Variants in PARD3B observed in about 807,000 individuals in gnomAD.
PARD3B encodes the protein partitioning defective 3 homolog B.
In PARD3B, 103 loss-of-function variants were observed where a neutral mutation model predicts 130.2. The ratio of observed to expected loss-of-function variants is 0.79; its 90% CI spans 0.67 to 0.93. PARD3B has a LOEUF of 0.93. Among genes scored for constraint, PARD3B ranks in the 40% least tolerant of loss-of-function variants. The pLI is 0.00. For synonymous variants in PARD3B, 583 were observed against 553.2 expected, an observed-to-expected ratio of 1.05 and a Z score of -0.76; for missense variants, 1,609 against 1,499.2, an observed-to-expected ratio of 1.07 and a Z score of -1.21.
chr2:205,311,566 G>A (rs983788477), intron 18 of PARD3B, among the ~76,000 whole-genome samples: 11 of 152,154 alleles, frequency 7.2e-5, no homozygotes, highest in Admixed American at 2.6e-4. Flanking sequence ...AGCAAGATAC[G>A]TTTGGAACCC....
rs545771868 is a variant in PARD3B at position 205,466,083 on chromosome 2, A to G, written c.3044+25411A>G. Among the ~76,000 whole-genome samples, 5 of 152,276 alleles carry G rather than the reference A, an allele frequency of 3.3e-5. No individual in the cohort carries two copies. In the South Asian group the frequency reaches 1.0e-3, roughly 32 times the overall value. On this transcript the variant is annotated intron_variant, in intron 20 of 22. Transcript: ENST00000406610. Reference sequence around the variant, plus strand: ...TTGTTAAAATGCAGATTTTGATGCCAGGGGTCTGGGATGGGGCCTGAGTTG... The same window carrying G: ...TTGTTAAAATGCAGATTTTGATGCCGGGGGTCTGGGATGGGGCCTGAGTTG...
intron 15 of PARD3B, among the ~76,000 whole-genome samples, chr2:205,238,835 C>CAAA (rs71879579): frequency 0.015 from 401 of 26,040 alleles, 26 homozygotes; most frequent in Middle Eastern, 0.042. Context: ...AACTCCGTTT[C>CAAA]AAAAAAAAAA....
chr2:205,056,902 T>TACAC (rs749596109), intron 4 of PARD3B, among the ~76,000 whole-genome samples: 1 of 141,996 alleles, frequency 7.0e-6, no homozygotes, highest in African/African-American at 2.6e-5. Flanking sequence ...CACACACACA[T>TACAC]ACACACACAC....
chr2:205,094,603 A>G (rs578027913), intron 4 of PARD3B, among the ~76,000 whole-genome samples: 7 of 152,218 alleles, frequency 4.6e-5, no homozygotes, highest in South Asian at 2.1e-4. Flanking sequence ...TGACACAGCT[A>G]TGGAATTGGT....
At chr2:204,870,289 A>G (rs1379770419) in intron 2 of PARD3B, among the ~76,000 whole-genome samples, 1 of 152,132 alleles carries the variant, frequency 6.6e-6, no homozygotes, top group African/African-American at 2.4e-5. Flanking sequence ...CTACCAGAAT[A>G]CCTCTTACTG....
In PARD3B at chr2:205,390,123, T is replaced by C. The variant is rs911451590; in HGVS notation, c.2631-10890T>C. Among the ~76,000 whole-genome samples, 7 of 151,886 alleles carry C rather than the reference T, an allele frequency of 4.6e-5. No homozygotes were observed. The East Asian group carries it at 1.2e-3, about 25-fold the overall frequency. ...TCTTACCAGCTCTACCATGCATTAA[T>C]TATTTTTCTTCTTTTGTATTTATAC... On this transcript the variant is annotated intron_variant, in intron 18 of 22. Transcript: ENST00000406610.
intron 2 of PARD3B, among the ~76,000 whole-genome samples, chr2:204,709,328 A>G (rs1162600159): frequency 2.6e-5 from 4 of 152,250 alleles, no homozygotes; most frequent in Admixed American, 6.5e-5. Flanking sequence ...GAGAGAAAAC[A>G]GTACCAAGAG....
chr2:204,630,096 T>C (rs2034625337), intron 1 of PARD3B, among the ~76,000 whole-genome samples: 1 of 152,206 alleles, frequency 6.6e-6, no homozygotes, highest in Non-Finnish European at 1.5e-5. Context: ...CTTGAGCTTA[T>C]GATTTGTATA....
In PARD3B at chr2:204,866,844, G is replaced by A. The variant is rs930171920; in HGVS notation, c.223-98308G>A. On this transcript the variant is annotated intron_variant, in intron 2 of 22. Transcript: ENST00000406610. Reference sequence around the variant, plus strand: ...AGCACTTTGGGAGGCTGAGGCGGGTGTATCACCTGAGGTCAGGAGTTTGAG... The same window carrying A: ...AGCACTTTGGGAGGCTGAGGCGGGTATATCACCTGAGGTCAGGAGTTTGAG... 1.8e-4 allele frequency among the ~76,000 whole-genome samples: 27 copies of A among 152,130 alleles called. 1 individual carries two copies. The highest frequency in any genetic ancestry group is 6.3e-4 in the African/African-American group (26 of 41,494).
intron 16 of PARD3B, among the ~76,000 whole-genome samples, chr2:205,254,667 TTA>T (rs776350938): frequency 0.015 from 2,199 of 146,472 alleles, 36 homozygotes; most frequent in Middle Eastern, 0.031. Flanking sequence ...TTATTTTATT[TTA>T]TTTTTTTTTT....
At position 205,563,389 on chromosome 2, in the gene PARD3B, T is replaced by C. The variant is rs1406158568; in HGVS notation, c.3260+9986T>C. ...GCTCCTTTAATAAAAGAAAAAAATG[T>C]ATCCTTGAAGTCACAGAATCAGAAT... is the stretch of plus-strand genomic sequence containing the variant. On this transcript the variant is annotated intron_variant, in intron 22 of 22. Transcript: ENST00000406610. The surrounding 1 kb of genome is among the most constrained non-coding windows in gnomAD (Gnocchi z 4.2). Among the ~76,000 whole-genome samples, 1 of 152,176 alleles carries C rather than the reference T, an allele frequency of 6.6e-6. No individual in the cohort carries two copies. The highest frequency in any genetic ancestry group is 1.5e-5 in the Non-Finnish European group (1 of 68,034).
At chr2:205,328,017 C>A (rs376926175) in intron 18 of PARD3B, among the ~76,000 whole-genome samples, 19 of 152,224 alleles carry the variant, frequency 1.2e-4, no homozygotes, top group African/African-American at 4.1e-4. Flanking sequence ...AGGGATCAAG[C>A]ACTCTTATGC....
chr2:205,217,733 C>T (rs542935156), intron 15 of PARD3B, among the ~76,000 whole-genome samples: 3 of 148,714 alleles, frequency 2.0e-5, no homozygotes, highest in Non-Finnish European at 4.5e-5. Flanking sequence ...CATACATATA[C>T]ACATATATGT....
chr2:204,718,612 C>CCATGTCACTGACTTTG (rs1349283280), intron 2 of PARD3B, among the ~76,000 whole-genome samples: 1 of 152,176 alleles, frequency 6.6e-6, no homozygotes, highest in Non-Finnish European at 1.5e-5. Flanking sequence ...CAGAGCCAAA[C>CCATGTCACTGACTTTG]CATGTCACTG....
chr2:204,970,509 A>G lies in PARD3B; in HGVS notation c.394+5186A>G, dbSNP rs35014545. On this transcript the variant is annotated intron_variant, in intron 3 of 22. Transcript: ENST00000406610. ...GCTGTCCTTTCTCCAATGGGCCATG[A>G]TGGTTCCTTGAGTGTTTTATTAATA... 3.3e-5 allele frequency among the ~76,000 whole-genome samples: 5 copies of G among 152,246 alleles called. No homozygotes were observed. The South Asian group carries it at 1.0e-3, about 32-fold the overall frequency.
At chr2:204,611,475 C>G (rs1200860512) in intron 1 of PARD3B, among the ~76,000 whole-genome samples, 1 of 152,108 alleles carries the variant, frequency 6.6e-6, no homozygotes, top group East Asian at 1.9e-4. Flanking sequence ...TAAAATGTTA[C>G]TTTGGAAGGC....
At chr2:205,138,557 A>G (rs1465713908) in intron 10 of PARD3B, among the ~76,000 whole-genome samples, 1 of 152,238 alleles carries the variant, frequency 6.6e-6, no homozygotes, top group African/African-American at 2.4e-5. Flanking sequence ...TAATTTGACA[A>G]TAAAGAGGGA....
At chr2:204,918,236 A>G (rs1230477874) in intron 2 of PARD3B, among the ~76,000 whole-genome samples, 1 of 152,258 alleles carries the variant, frequency 6.6e-6, no homozygotes, top group East Asian at 1.9e-4. Context: ...TTTAAACATT[A>G]CAAACAGGCA....
chr2:205,552,044 C>T (rs947915128), intron 21 of PARD3B, among the ~76,000 whole-genome samples: 17 of 152,194 alleles, frequency 1.1e-4, no homozygotes, highest in Non-Finnish European at 2.1e-4. Flanking sequence ...GTTACGTGTT[C>T]ATCCTGTTTT....
Sources: allele counts gnomAD v4.1 joint callset (sites outside exome capture counted in the v4.1 genomes callset), GRCh38; gene constraint gnomAD v4.1.1; non-coding constraint Gnocchi (gnomAD v3.1); transcripts MANE v1.5; gene names NCBI Gene and HGNC (gene_info 2026-07-23, HGNC 2026-07-21).